DGLUCY: variants seen among roughly 807,000 people sequenced by gnomAD.
DGLUCY encodes D-glutamate cyclase.
DGLUCY carries 58 observed loss-of-function variants against 58.5 expected under a neutral mutation model. The observed-to-expected ratio is 0.99, with a 90% CI of 0.80 to 1.23. DGLUCY has a LOEUF of 1.23. Among genes scored for constraint, DGLUCY ranks in the 50% most tolerant of loss-of-function variants. DGLUCY has a pLI of 0.00. For synonymous variants in DGLUCY, 325 were observed against 314.1 expected, an observed-to-expected ratio of 1.03 and a Z score of -0.37; for missense variants, 779 against 784.7, an observed-to-expected ratio of 0.99 and a Z score of 0.09.
chr14:91,187,697 T>C (rs1384169781), intron 8 of DGLUCY, among the ~76,000 whole-genome samples: 1 of 152,090 alleles, frequency 6.6e-6, no homozygotes, highest in Non-Finnish European at 1.5e-5. Context: ...AGGCACAGCT[T>C]GGTAGTGCAG....
intron 8 of DGLUCY, among the ~76,000 whole-genome samples, chr14:91,186,542 A>G (rs565407923): frequency 3.7e-4 from 56 of 152,192 alleles, no homozygotes; most frequent in Non-Finnish European, 6.8e-4. Flanking sequence ...GGGATTACAG[A>G]TGTGAGTCAC....
chr14:91,067,952 G>A (rs959133891), intron 1 of DGLUCY, among the ~76,000 whole-genome samples: 2 of 152,142 alleles, frequency 1.3e-5, no homozygotes, highest in African/African-American at 4.8e-5. Context: ...GACCAACACA[G>A]TTAGGGGGTG....
At chr14:91,165,461 C>T in intron 3 of DGLUCY, 1 of 337,622 alleles carries the variant, frequency 3.0e-6, no homozygotes, top group South Asian at 2.3e-5. Flanking sequence ...GTGTTTACCA[C>T]CAAAGCCAAA....
intron 1 of DGLUCY, among the ~76,000 whole-genome samples, chr14:91,122,605 T>TTTTG (rs1269506984): frequency 4.0e-4 from 52 of 129,778 alleles, no homozygotes; most frequent in Admixed American, 2.8e-3. Context: ...GAAAAAAGTT[T>TTTTG]TTTTTTTTTT....
intron 13 of DGLUCY, chr14:91,223,632 G>A (rs780461786): frequency 1.7e-5 from 22 of 1,276,764 alleles, no homozygotes; most frequent in African/African-American, 1.1e-4. Flanking sequence ...TTGGAAGGAG[G>A]GGGGATGGAG....
intron 12 of DGLUCY, among the ~76,000 whole-genome samples, chr14:91,211,370 C>T (rs1362088865): frequency 6.6e-6 from 1 of 152,212 alleles, no homozygotes; most frequent in East Asian, 1.9e-4. Flanking sequence ...TACAGAATAA[C>T]AAACTGAATA....
rs10631451 is a variant in DGLUCY at position 91,123,484 on chromosome 14, T to TAAA, written c.-82+9210_-82+9212dup. On this transcript the variant is annotated intron_variant, in intron 1 of 13. Transcript: ENST00000256324. ...TTGGGAGAGATGAGGTGGAGACAGT[T>TAAA]AAAAAAAAAAAGAATGAACTGTATG... Among the ~76,000 whole-genome samples, 272 of 149,010 alleles carry TAAA rather than the reference T, an allele frequency of 1.8e-3. 4 individuals are homozygous for TAAA. The highest frequency in any genetic ancestry group is 2.6e-3 in the African/African-American group (104 of 40,614).
At chr14:91,175,785 C>G in intron 6 of DGLUCY, 149 bp from the exon 7 acceptor site, 1 of 830,328 alleles carries the variant, frequency 1.2e-6, no homozygotes, top group South Asian at 1.6e-5. Flanking sequence ...AGCCTTAATC[C>G]CTATTCTCCT....
chr14:91,223,851 C>G, intron 13 of DGLUCY: 1 of 435,314 alleles, frequency 2.3e-6, no homozygotes, highest in South Asian at 2.2e-5. Flanking sequence ...CTTTTATCAT[C>G]ACCCTCCCCA....
intron 1 of DGLUCY, among the ~76,000 whole-genome samples, chr14:91,102,140 G>A (rs2044498480): frequency 6.6e-6 from 1 of 152,066 alleles, no homozygotes; most frequent in Non-Finnish European, 1.5e-5. Flanking sequence ...TCGAAAATAT[G>A]TATATCTACT....
At position 91,160,215 on chromosome 14, in the gene DGLUCY, CCTT is replaced by C. The variant is rs574066756; in HGVS notation, c.-29-49_-29-47del. ...AAGCTATGTGAGGCTGAATCTGCTG[CCTT>C]CAGGGGGCCACACTTTCTAATTTGT... On this transcript the variant is annotated intron_variant, in intron 2 of 13. Transcript: ENST00000256324. 8,040 of 1,125,994 alleles carry C rather than the reference CCTT, an allele frequency of 7.1e-3. 53 individuals are homozygous for C. Among genetic ancestry groups the C allele is most frequent in the Middle Eastern group, 0.018 (90 of 5,138 alleles). The allele number at this position is 1,125,994 out of a possible 1,614,324, so 69.8% of individuals were successfully genotyped here. A position where few individuals can be genotyped will look rare whatever the true frequency, so the allele number is the denominator to read the frequency against.
At position 91,120,212 on chromosome 14, in the gene DGLUCY, G is replaced by A. The variant is rs919191383; in HGVS notation, c.-82+5929G>A. On this transcript the variant is annotated intron_variant, in intron 1 of 13. Coordinates refer to ENST00000256324, the MANE Select transcript of DGLUCY (RefSeq NM_001102368.3). ...GATGACTCGCAGCTCTCCCTCCTCC[G>A]GGCAGGTGTCCTTCCTGACTTCTGG... 3.3e-5 allele frequency among the ~76,000 whole-genome samples: 5 copies of A among 152,070 alleles called. No homozygotes were observed. In the East Asian group the frequency reaches 5.8e-4, roughly 18 times the overall value.
At chr14:91,102,942 A>G (rs1339909089) in intron 1 of DGLUCY, among the ~76,000 whole-genome samples, 1 of 151,864 alleles carries the variant, frequency 6.6e-6, no homozygotes, top group African/African-American at 2.4e-5. Flanking sequence ...TTGTATTTTT[A>G]GTAGAGATGG....
At chr14:91,078,814 G>C (rs1310292220) in intron 1 of DGLUCY, among the ~76,000 whole-genome samples, 1 of 151,756 alleles carries the variant, frequency 6.6e-6, no homozygotes, top group Non-Finnish European at 1.5e-5. Context: ...ACAACCTCTG[G>C]TAATACTGTG....
intron 11 of DGLUCY, among the ~76,000 whole-genome samples, chr14:91,200,385 TC>T (rs1297169400): frequency 6.6e-6 from 1 of 152,062 alleles, no homozygotes; most frequent in African/African-American, 2.4e-5. Flanking sequence ...CATTTAGAAA[TC>T]CAACATCCTC....
At chr14:91,138,869 A>C (rs900714672) in intron 1 of DGLUCY, among the ~76,000 whole-genome samples, 2 of 152,138 alleles carry the variant, frequency 1.3e-5, no homozygotes, top group African/African-American at 4.8e-5. Context: ...AATCTAAGTT[A>C]TATTGGCCTT....
chr14:91,164,833 C>G (rs2048186811), intron 3 of DGLUCY, among the ~76,000 whole-genome samples: 1 of 152,220 alleles, frequency 6.6e-6, no homozygotes, highest in Admixed American at 6.5e-5. Context: ...CTGCTGTAAC[C>G]ACTCCCTGGC....
At chr14:91,174,766 C>T (rs937961613) in intron 6 of DGLUCY, among the ~76,000 whole-genome samples, 1 of 152,170 alleles carries the variant, frequency 6.6e-6, no homozygotes, top group Non-Finnish European at 1.5e-5. Flanking sequence ...TCTGGAGGCC[C>T]AGACTTGCAA....
chr14:91,189,288 TA>T (rs1489145203), intron 9 of DGLUCY, 118 bp downstream of exon 9: 3 of 1,308,304 alleles, frequency 2.3e-6, no homozygotes, highest in Non-Finnish European at 3.2e-6. Context: ...AACTCCGTTG[TA>T]AGCTGCATAG....
Sources: allele counts gnomAD v4.1 joint callset (sites outside exome capture counted in the v4.1 genomes callset), GRCh38; gene constraint gnomAD v4.1.1; transcripts MANE v1.5; gene names NCBI Gene and HGNC (gene_info 2026-07-23, HGNC 2026-07-21).